The following LARP1 variants were observed in gnomAD, a reference collection of about 807,000 sequenced individuals.
LARP1 encodes the protein la-related protein 1.
Under a neutral mutation model 122.7 loss-of-function variants are expected in LARP1, and 36 were observed. The observed-to-expected ratio is 0.29, with a 90% CI of 0.22 to 0.39. The LOEUF is 0.39. Ranked by LOEUF, LARP1 falls within the 10% of genes least tolerant of loss-of-function variation. LARP1 has a pLI of 1.00. For missense variants in LARP1, 1,040 were observed against 1,403.6 expected (o/e 0.74, Z 4.14); for synonymous variants, 539 against 528.7 (o/e 1.02, Z -0.27).
chr5:154,770,891 T>A (rs6886571), intron 1 of LARP1, among the ~76,000 whole-genome samples: 66,878 of 151,836 alleles, frequency 0.44, 16,286 homozygotes, highest in Middle Eastern at 0.58. Context: ...GGCAGGTGGA[T>A]CACCTGAGGT....
intron 14 of LARP1, 123 bp downstream of exon 14, chr5:154,804,430 C>CA: frequency 1.3e-6 from 1 of 743,468 alleles, no homozygotes; most frequent in Non-Finnish European, 2.3e-6. Context: ...AAGAGGTTTT[C>CA]AAAAAACCAG....
chr5:154,691,977 A>C lies in LARP1; in HGVS notation c.-180+8940A>C, dbSNP rs560955529. Among the ~76,000 whole-genome samples the C allele has an allele frequency of 1.3e-4, 20 of 152,006 alleles. No homozygotes were observed. The East Asian group carries it at 3.9e-3, about 30-fold the overall frequency. ...GCTAATTTTTGTATTTTTAGCAGAG[A>C]CGGGGTTTCACCATTTGTTGGCCAG... On this transcript the variant is annotated intron_variant, in intron 1 of 18. Coordinates refer to the LARP1 transcript ENST00000687700.
At position 154,813,931 on chromosome 5, in the gene LARP1, A is replaced by G; in HGVS notation, c.3126A>G (p.Val1042=). The G allele has an allele frequency of 1.2e-6, 2 of 1,614,088 alleles. No individual in the cohort carries two copies. The highest frequency in any genetic ancestry group is 1.7e-6 in the Non-Finnish European group (2 of 1,179,988). The change falls in exon 19 of 19, where the codon GTA becomes GTG. Residue 1042 remains valine (V), a synonymous_variant. Coordinates refer to ENST00000518297, the MANE Select transcript of LARP1 (RefSeq NM_033551.3). Reference sequence around the variant, plus strand: ...GCAACCACAAGCGACACTCAGTGGTAGCAGGAGGTGGCGGCGGTGAGGGCA... The same window carrying G: ...GCAACCACAAGCGACACTCAGTGGTGGCAGGAGGTGGCGGCGGTGAGGGCA... The part of the protein sequence containing the change: ...EEGNHKRHSV[V]AGGGGGEGRK...
chr5:154,696,425 T>C (rs1582152679), intron 1 of LARP1, among the ~76,000 whole-genome samples: 1 of 152,198 alleles, frequency 6.6e-6, no homozygotes, highest in Non-Finnish European at 1.5e-5. Context: ...ACTGCATTGC[T>C]AGAGTGCATG....
rs1205774427 is a variant in LARP1 at position 154,805,095 on chromosome 5, A to G, written c.2547-786A>G. 4 of 339,380 alleles carry G rather than the reference A, an allele frequency of 1.2e-5. No homozygotes were observed. The East Asian group carries it at 3.1e-4, about 26-fold the overall frequency. The allele number at this position is 339,380 out of a possible 1,614,324, so 21.0% of individuals were successfully genotyped here. A position where few individuals can be genotyped will look rare whatever the true frequency, so the allele number is the denominator to read the frequency against. Reference sequence around the variant, plus strand: ...ATTCTTACAATAAGCTAAATAAAAAATATTACTAAGAAAATCACAAAGAAG... The same window carrying G: ...ATTCTTACAATAAGCTAAATAAAAAGTATTACTAAGAAAATCACAAAGAAG... On this transcript the variant is annotated intron_variant, in intron 14 of 18. Transcript: ENST00000518297.
chr5:154,732,184 C>CAAAAAAAAAA (rs1467632446), intron 1 of LARP1, among the ~76,000 whole-genome samples: 1 of 22,458 alleles, frequency 4.5e-5, no homozygotes, highest in African/African-American at 8.6e-5. Flanking sequence ...CAAAACAAAA[C>CAAAAAAAAAA]AAAACAAAAA....
intron 1 of LARP1, among the ~76,000 whole-genome samples, chr5:154,699,800 A>G (rs781721381): frequency 7.2e-5 from 11 of 152,196 alleles, no homozygotes; most frequent in Non-Finnish European, 1.5e-4. Context: ...TGCCCCTTCA[A>G]CAGCTCCATT....
chr5:154,753,953 T>C (rs968869694), upstream of LARP1, among the ~76,000 whole-genome samples: 2 of 152,248 alleles, frequency 1.3e-5, no homozygotes, highest in Non-Finnish European at 2.9e-5. Flanking sequence ...TGTTATGTTA[T>C]GTGAGCACGT....
chr5:154,737,837 A>G (rs4623203), intron 1 of LARP1, among the ~76,000 whole-genome samples: 100,979 of 151,618 alleles, frequency 0.67, 34,624 homozygotes, highest in African/African-American at 0.78. Flanking sequence ...TGAATGAGCT[A>G]TCCTCATTGT....
intron 1 of LARP1, among the ~76,000 whole-genome samples, chr5:154,779,721 TGGTCTC>T (rs2113711319): frequency 6.6e-6 from 1 of 152,242 alleles, no homozygotes; most frequent in South Asian, 2.1e-4. Flanking sequence ...TTGGTCAGTC[TGGTCTC>T]GGACTCCTGA....
rs1298915250 is a variant in LARP1, at chr5:154,803,684, A to G, written c.2378A>G (p.Asp793Gly). 2 of 1,614,046 alleles carry G rather than the reference A, an allele frequency of 1.2e-6. No homozygotes were observed. Among genetic ancestry groups the G allele is most frequent in the Non-Finnish European group, 1.7e-6 (2 of 1,180,012 alleles). Residue 793 changes from aspartate to glycine, a missense_variant, in exon 13 of 19, where the codon GAC becomes GGC. Asp to Gly is a moderately conservative substitution (Grantham distance 94). This residue lies in a region of LARP1 where 362 missense variants were observed against 533.1 expected (regional missense o/e 0.68). Transcript: ENST00000518297. The surrounding 1 kb of genome is among the most constrained non-coding windows in gnomAD (Gnocchi z 4.4). The part of the protein sequence containing the change: ...PRTPRTPQLK[D>G]SSQTSRFYPV... ...ACTCCCCGGACACCACAGCTCAAAG[A>G]CTCAAGCCAGACATCACGGTTTTAC...
At chr5:154,782,800 G>C (rs1328085761) in intron 1 of LARP1, among the ~76,000 whole-genome samples, 1 of 152,216 alleles carries the variant, frequency 6.6e-6, no homozygotes, top group Non-Finnish European at 1.5e-5. Flanking sequence ...GCCTCTGAGA[G>C]ATGGTACCGA....
At chr5:154,785,486 A>G (rs1459116464) in intron 1 of LARP1, among the ~76,000 whole-genome samples, 1 of 152,186 alleles carries the variant, frequency 6.6e-6, no homozygotes. Context: ...ATTGTGTGCT[A>G]GGTACTCTTA....
At chr5:154,741,175 G>A (rs1334322699) in intron 1 of LARP1, among the ~76,000 whole-genome samples, 2 of 152,282 alleles carry the variant, frequency 1.3e-5, no homozygotes, top group Admixed American at 6.5e-5. Context: ...AACACGCCAG[G>A]CTCACTCCTG....
chr5:154,732,296 A>G (rs1756637610), intron 1 of LARP1, among the ~76,000 whole-genome samples: 1 of 151,988 alleles, frequency 6.6e-6, no homozygotes, highest in African/African-American at 2.4e-5. Context: ...AAAAAGCAAA[A>G]ATTTGGTAAC....
intron 1 of LARP1, among the ~76,000 whole-genome samples, chr5:154,689,138 G>A (rs925773540): frequency 6.6e-6 from 1 of 151,910 alleles, no homozygotes; most frequent in Non-Finnish European, 1.5e-5. Flanking sequence ...CGCCAACATG[G>A]CAAAACCCCA....
At chr5:154,794,512 A>G (rs1275432902) in intron 7 of LARP1, among the ~76,000 whole-genome samples, 1 of 152,230 alleles carries the variant, frequency 6.6e-6, no homozygotes, top group Non-Finnish European at 1.5e-5. Context: ...AATATTTAGA[A>G]TCTACCCCCT....
At chr5:154,788,310 G>A (rs150990654) in intron 1 of LARP1, among the ~76,000 whole-genome samples, 1 of 152,300 alleles carries the variant, frequency 6.6e-6, no homozygotes, top group East Asian at 1.9e-4. Context: ...CCTGCACTGG[G>A]GGTGTGGGAT....
chr5:154,810,021 A>T (rs1759129510), intron 16 of LARP1, among the ~76,000 whole-genome samples: 1 of 152,004 alleles, frequency 6.6e-6, no homozygotes, highest in Non-Finnish European at 1.5e-5. Flanking sequence ...ATTAATTTCT[A>T]ATAGCTTATA....
Sources: gnomAD v4.1 joint callset for allele counts (sites outside exome capture counted in the v4.1 genomes callset) on GRCh38, gnomAD v4.1.1 for gene constraint, gnomAD v4.1.1 regional missense constraint, Gnocchi (gnomAD v3.1) non-coding constraint, MANE v1.5 for transcripts, NCBI Gene and HGNC (gene_info 2026-07-23, HGNC 2026-07-21) for gene names.